Variants in NKAIN2 observed in about 807,000 individuals in gnomAD.
NKAIN2 encodes sodium/potassium transporting ATPase interacting 2.
In NKAIN2, 14 loss-of-function variants were observed where a neutral mutation model predicts 32.6. The ratio of observed to expected loss-of-function variants is 0.43; its 90% CI spans 0.28 to 0.67. The LOEUF (loss-of-function observed/expected upper bound fraction) is 0.67, where lower values mean the gene tolerates loss of function less well. NKAIN2 is among the 30% of genes least tolerant of loss of function. The pLI, the probability that NKAIN2 is intolerant of heterozygous loss-of-function variation, is 0.17. For missense variants in NKAIN2, 198 were observed against 258.3 expected (o/e 0.77, Z 1.60); for synonymous variants, 80 against 87.2 (o/e 0.92, Z 0.46).
chr6:123,938,403 T>G (rs1776627964), intron 1 of NKAIN2, among the ~76,000 whole-genome samples: 1 of 1,376 alleles, frequency 7.3e-4, no homozygotes, highest in Non-Finnish European at 1.8e-3. Context: ...GGGTTATATA[T>G]ATATATATAT....
At chr6:124,084,395 G>A (rs941942961) in intron 1 of NKAIN2, among the ~76,000 whole-genome samples, 2 of 151,836 alleles carry the variant, frequency 1.3e-5, no homozygotes, top group Admixed American at 1.3e-4. Context: ...TAGCTTAGGA[G>A]CAATAGGCTA....
chr6:124,210,273 T>C (rs1313264128), intron 1 of NKAIN2, among the ~76,000 whole-genome samples: 2 of 151,970 alleles, frequency 1.3e-5, no homozygotes, highest in Non-Finnish European at 2.9e-5. Context: ...TTATGGGTTG[T>C]CTATTCTGTT....
chr6:124,749,560 G>T (rs1365820493), intron 4 of NKAIN2, among the ~76,000 whole-genome samples: 1 of 151,878 alleles, frequency 6.6e-6, no homozygotes, highest in South Asian at 2.1e-4. Context: ...TCAGGACAAG[G>T]CTCTAAGAGA....
intron 1 of NKAIN2, among the ~76,000 whole-genome samples, chr6:124,238,256 A>G (rs1298694589): frequency 2.6e-5 from 4 of 152,128 alleles, no homozygotes; most frequent in African/African-American, 9.7e-5. Flanking sequence ...GGGAGCTTTC[A>G]AGATGAAAGT....
intron 1 of NKAIN2, among the ~76,000 whole-genome samples, chr6:123,946,542 TA>T (rs937695433): frequency 6.6e-6 from 1 of 152,130 alleles, no homozygotes; most frequent in East Asian, 1.9e-4. Flanking sequence ...ATTTGCTTTT[TA>T]AAAAAATCAG....
chr6:124,684,408 G>A (rs538459667), intron 4 of NKAIN2, among the ~76,000 whole-genome samples: 1 of 152,232 alleles, frequency 6.6e-6, no homozygotes, highest in East Asian at 1.9e-4. Flanking sequence ...CAGAAACTGT[G>A]TGATGCAGTT....
Position 124,516,036 on chromosome 6 carries a change from A to C in NKAIN2, c.274-142150A>C, listed in dbSNP as rs545059807. On this transcript the variant is annotated intron_variant, in intron 3 of 6. Transcript: ENST00000368417. ...CAAATTGTTCAAAAATGTTTATTGC[A>C]TTCCTACTATCTTCCTCGCACTATT... is the stretch of plus-strand genomic sequence containing the variant. Among the ~76,000 whole-genome samples, 15 of 152,290 alleles carry C rather than the reference A, an allele frequency of 9.8e-5. No individual in the cohort carries two copies. In the South Asian group the frequency reaches 3.1e-3, roughly 32 times the overall value.
chr6:124,132,835 G>C (rs575410965), intron 1 of NKAIN2, among the ~76,000 whole-genome samples: 97 of 152,314 alleles, frequency 6.4e-4, no homozygotes, highest in African/African-American at 2.3e-3. Context: ...CCCACTGGGT[G>C]ACTAGGCCTG....
At chr6:124,756,708 G>A (rs1197052254) in intron 4 of NKAIN2, among the ~76,000 whole-genome samples, 1 of 152,012 alleles carries the variant, frequency 6.6e-6, no homozygotes, top group African/African-American at 2.4e-5. Flanking sequence ...GCAAAATGAA[G>A]AAATTCATAG....
intron 1 of NKAIN2, among the ~76,000 whole-genome samples, chr6:123,804,632 A>G (rs1582556669): frequency 1.3e-5 from 2 of 152,100 alleles, no homozygotes; most frequent in East Asian, 1.9e-4. Flanking sequence ...GGAATTTTGG[A>G]CTTTTCTTCT....
intron 1 of NKAIN2, among the ~76,000 whole-genome samples, chr6:124,249,822 T>A (rs928066963): frequency 3.9e-5 from 6 of 152,100 alleles, no homozygotes; most frequent in African/African-American, 1.2e-4. Context: ...GCTGGCCAGA[T>A]GTAGGGAAGC....
In NKAIN2 at chr6:123,952,227, C is replaced by G. The variant is rs530505276; in HGVS notation, c.54+147973C>G. Reference sequence around the variant, plus strand: ...CACTTTGAATATATCATCTCATTCTCTCCTGGCCTGTAGAATTTCTGCTGA... The same window carrying G: ...CACTTTGAATATATCATCTCATTCTGTCCTGGCCTGTAGAATTTCTGCTGA... On this transcript the variant is annotated intron_variant, in intron 1 of 6. Coordinates refer to ENST00000368417, the MANE Select transcript of NKAIN2 (RefSeq NM_001040214.3). 1.8e-3 allele frequency among the ~76,000 whole-genome samples: 272 copies of G among 152,212 alleles called. 2 individuals are homozygous for G. The highest frequency in any genetic ancestry group is 6.4e-3 in the African/African-American group (265 of 41,564).
At chr6:124,036,553 T>G (rs1390617761) in intron 1 of NKAIN2, among the ~76,000 whole-genome samples, 1 of 152,128 alleles carries the variant, frequency 6.6e-6, no homozygotes, top group Non-Finnish European at 1.5e-5. Context: ...ACTCTAAATA[T>G]AACGGATACT....
At chr6:124,694,352 T>C (rs924671619) in intron 4 of NKAIN2, among the ~76,000 whole-genome samples, 4 of 152,202 alleles carry the variant, frequency 2.6e-5, no homozygotes, top group African/African-American at 9.6e-5. Context: ...CCTCTGTTCA[T>C]TAAATCCACC....
chr6:124,002,644 C>A (rs1442811421), intron 1 of NKAIN2, among the ~76,000 whole-genome samples: 1 of 152,034 alleles, frequency 6.6e-6, no homozygotes, highest in Non-Finnish European at 1.5e-5. Context: ...CCTGGCCTGG[C>A]GATGGCACTC....
At chr6:123,806,371 A>T (rs1034525963) in intron 1 of NKAIN2, among the ~76,000 whole-genome samples, 1 of 152,208 alleles carries the variant, frequency 6.6e-6, no homozygotes, top group Non-Finnish European at 1.5e-5. Flanking sequence ...CAGATGCAGA[A>T]CAAAAAACAA....
At chr6:123,808,883 TTTG>T (rs1290792192) in intron 1 of NKAIN2, among the ~76,000 whole-genome samples, 2 of 152,216 alleles carry the variant, frequency 1.3e-5, no homozygotes, top group Non-Finnish European at 2.9e-5. Flanking sequence ...GTCTTTATTT[TTTG>T]TTTTTTATTT....
chr6:123,963,180 T>C (rs1234196715), intron 1 of NKAIN2, among the ~76,000 whole-genome samples: 1 of 152,210 alleles, frequency 6.6e-6, no homozygotes, highest in Non-Finnish European at 1.5e-5. Flanking sequence ...ACTGAGCAGA[T>C]TGCTAGACCC....
chr6:124,434,572 A>G (rs945017733), intron 3 of NKAIN2, among the ~76,000 whole-genome samples: 1 of 152,168 alleles, frequency 6.6e-6, no homozygotes, highest in Non-Finnish European at 1.5e-5. Flanking sequence ...TTAATAAGGA[A>G]GATATTTTTG....
Sources: allele counts gnomAD v4.1 joint callset (sites outside exome capture counted in the v4.1 genomes callset), GRCh38; gene constraint gnomAD v4.1.1; transcripts MANE v1.5; gene names NCBI Gene and HGNC (gene_info 2026-07-23, HGNC 2026-07-21).